The following PPIL2 variants were observed in gnomAD, a reference collection of about 807,000 sequenced individuals.
PPIL2 encodes the protein RING-type E3 ubiquitin-protein ligase PPIL2.
Under a neutral mutation model 75.2 loss-of-function variants are expected in PPIL2, and 50 were observed. That is an observed-to-expected ratio of 0.66 (90% CI 0.53 to 0.84). The LOEUF (loss-of-function observed/expected upper bound fraction) is 0.84. PPIL2 is among the 40% of genes least tolerant of loss of function. The pLI, the probability that PPIL2 is intolerant of heterozygous loss-of-function variation, is 0.00. For missense variants in PPIL2, 590 were observed against 685.0 expected (o/e 0.86, Z 1.55); for synonymous variants, 245 against 258.8 (o/e 0.95, Z 0.51).
At chr22:21,683,330 GCCCCCGCTTTCCT>G (rs2067209630) in intron 9 of PPIL2, 73 bp downstream of exon 9, 1 of 1,358,162 alleles carries the variant, frequency 7.4e-7, no homozygotes, top group East Asian at 2.3e-5. Context: ...CCTGGGTAAA[GCCCCCGCTTTCCT>G]GGAGGTCAGG....
chr22:21,695,987 GTA>G lies in PPIL2; in HGVS notation c.*501_*502del, dbSNP rs1302302146. The G allele has an allele frequency of 3.9e-6, 2 of 514,856 alleles. No homozygotes were observed. Among genetic ancestry groups the G allele is most frequent in the African/African-American group, 2.1e-5 (1 of 48,108 alleles). 31.9% of individuals were successfully genotyped at this position (514,856 alleles called of 1,614,324 possible). On this transcript the variant is annotated 3_prime_UTR_variant, in exon 20 of 20. Transcript: ENST00000398831. ...CAGCCGTGCACCACTACATCCAGCT[GTA>G]TATGTCTGGTTTTCTTACCCCTACT... is the stretch of plus-strand genomic sequence containing the variant.
intron 6 of PPIL2, among the ~76,000 whole-genome samples, chr22:21,680,891 G>C (rs1182493881): frequency 1.3e-5 from 2 of 151,792 alleles, no homozygotes; most frequent in Non-Finnish European, 2.9e-5. Flanking sequence ...GCAGGCAAGG[G>C]GATGGGCGGT....
At position 21,696,641 on chromosome 22, in the gene PPIL2, G is replaced by A; in HGVS notation, c.*1151G>A. ...CTGACACTTGCCTCTTGGGCTCCCT[G>A]TTGCCCTCAGGCCACCCCCCACTTC... On this transcript the variant is annotated 3_prime_UTR_variant, in exon 20 of 20. Coordinates refer to ENST00000398831, the MANE Select transcript of PPIL2 (RefSeq NM_014337.4). 1 of 1,513,900 alleles carries A rather than the reference G, an allele frequency of 6.6e-7. No homozygotes were observed. Among genetic ancestry groups the A allele is most frequent in the South Asian group, 1.3e-5 (1 of 79,386 alleles). 93.8% of individuals were successfully genotyped at this position (1,513,900 alleles called of 1,614,324 possible).
intron 6 of PPIL2, 41 bp from the exon 7 acceptor site, chr22:21,681,258 C>G: frequency 6.6e-7 from 1 of 1,523,394 alleles, no homozygotes; most frequent in South Asian, 1.1e-5. Context: ...GTTCACAGCC[C>G]ACAGAGGTGA....
intron 6 of PPIL2, among the ~76,000 whole-genome samples, chr22:21,676,309 T>TGTGTGTGTGTGTGTG (rs1555894902): frequency 7.3e-5 from 9 of 123,018 alleles, no homozygotes; most frequent in Non-Finnish European, 1.3e-4. Flanking sequence ...TTTATTTATT[T>TGTGTGTGTGTGTGTG]TGTGTGTGTG....
intron 6 of PPIL2, among the ~76,000 whole-genome samples, chr22:21,680,595 C>T (rs187138772): frequency 4.0e-4 from 61 of 151,194 alleles, no homozygotes; most frequent in African/African-American, 1.5e-3. Flanking sequence ...TTTGGGAGGC[C>T]GAGGTGGGCA....
rs149000654 is a variant in PPIL2 at position 21,671,036 on chromosome 22, C to T, written c.168C>T (p.Pro56=). The T allele has an allele frequency of 1.6e-4, 253 of 1,612,812 alleles. 3 individuals carry two copies. Among genetic ancestry groups the T allele is most frequent in the South Asian group, 6.9e-4 (63 of 91,044 alleles). Residue 56 remains proline (P), a synonymous_variant, in exon 4 of 20, where the codon CCC becomes CCT. Transcript: ENST00000398831. ...LQPFVYPVCT[P]DGIVFDLLNI... ...CCTTTGTCTACCCAGTCTGCACTCC[C>T]GATGGCATCGTCTTTGACTTACTGT... is the stretch of plus-strand genomic sequence containing the variant.
chr22:21,670,040 A>G, intron 2 of PPIL2, 78 bp downstream of exon 2: 2 of 1,407,782 alleles, frequency 1.4e-6, no homozygotes, highest in East Asian at 2.3e-5. Flanking sequence ...AGTGAGCTGT[A>G]AAAATAGACA....
At chr22:21,694,540 TG>T (rs1259098763) in intron 16 of PPIL2, 52 bp from the exon 17 acceptor site, 5 of 1,600,096 alleles carry the variant, frequency 3.1e-6, no homozygotes, top group Non-Finnish European at 3.4e-6. Flanking sequence ...GGCTCAGCCG[TG>T]GGGGTGCCCT....
chr22:21,677,515 C>G (rs551476691), intron 6 of PPIL2, among the ~76,000 whole-genome samples: 74 of 152,306 alleles, frequency 4.9e-4, no homozygotes, highest in African/African-American at 1.6e-3. Context: ...GCCAACACAG[C>G]GAAACCCCGT....
At chr22:21,666,637 C>A (rs543138592) in intron 1 of PPIL2, among the ~76,000 whole-genome samples, 84 of 152,114 alleles carry the variant, frequency 5.5e-4, no homozygotes, top group African/African-American at 1.8e-3. Flanking sequence ...GGTGAAACCC[C>A]GTCTCTACTA....
intron 14 of PPIL2, among the ~76,000 whole-genome samples, 178 bp from the exon 15 acceptor site, chr22:21,688,554 C>T (rs1360784485): frequency 7.2e-5 from 11 of 152,220 alleles, no homozygotes; most frequent in East Asian, 1.9e-4. Flanking sequence ...TGTTTGGAGG[C>T]GTGGGGGCTC....
In PPIL2 at chr22:21,697,002, C is replaced by T. The variant is rs1489056387; in HGVS notation, c.*1512C>T. ...GCCATGGCTGGCTCCTTCTCTTCTC[C>T]AGCCCATCCCTCTGCAGCCTGTCAT... is the stretch of plus-strand genomic sequence containing the variant. On this transcript the variant is annotated 3_prime_UTR_variant, in exon 20 of 20. Transcript: ENST00000398831. 7 of 1,546,484 alleles carry T rather than the reference C, an allele frequency of 4.5e-6. No individual in the cohort carries two copies. The highest frequency in any genetic ancestry group is 3.6e-5 in the South Asian group (3 of 83,930).
chr22:21,698,286 C>T (rs1431967741), downstream of PPIL2: 1 of 144,892 alleles, frequency 6.9e-6, no homozygotes, highest in Non-Finnish European at 1.5e-5. Context: ...ATACAAAAGT[C>T]ATAAGACTAC....
intron 6 of PPIL2, 126 bp downstream of exon 6, chr22:21,675,241 CAA>C (rs984727321): frequency 7.7e-6 from 7 of 908,830 alleles, no homozygotes; most frequent in African/African-American, 1.7e-5. Flanking sequence ...TTTAATTCCG[CAA>C]AAAGTGTCAC....
intron 6 of PPIL2, among the ~76,000 whole-genome samples, chr22:21,679,968 AG>A (rs1373197304): frequency 1.3e-5 from 2 of 151,912 alleles, no homozygotes; most frequent in Admixed American, 1.3e-4. Flanking sequence ...GGGCGCCTGT[AG>A]GTCCCAGCTA....
rs1022181272 is a variant in PPIL2, at chr22:21,695,274, G to A, written c.1467-120G>A. 69 of 1,334,568 alleles carry A rather than the reference G, an allele frequency of 5.2e-5. 1 individual carries two copies. Among genetic ancestry groups the A allele is most frequent in the Non-Finnish European group, 6.4e-5 (63 of 980,562 alleles). 82.7% of individuals were successfully genotyped at this position (1,334,568 alleles called of 1,614,324 possible). On this transcript the variant is annotated intron_variant, in intron 19 of 19. Coordinates refer to ENST00000398831, the MANE Select transcript of PPIL2 (RefSeq NM_014337.4). ...GGGTGGAAGAGATCAAATTCAGGGG[G>A]ATGTGGGAGCAGCAGGTGGGAGGGG...
intron 10 of PPIL2, 88 bp from the exon 11 acceptor site, chr22:21,686,395 C>T (rs933327564): frequency 2.8e-5 from 35 of 1,254,476 alleles, no homozygotes; most frequent in African/African-American, 2.4e-4. Flanking sequence ...GCAGGGGTGG[C>T]GTGTGGTTGG....
At chr22:21,666,668 G>T (rs1027268669) in intron 1 of PPIL2, among the ~76,000 whole-genome samples, 1 of 152,092 alleles carries the variant, frequency 6.6e-6, no homozygotes, top group Admixed American at 6.6e-5. Flanking sequence ...AATTAGCGGG[G>T]CGTGGTGACG....
Sources: gnomAD v4.1 joint callset for allele counts (sites outside exome capture counted in the v4.1 genomes callset) on GRCh38, gnomAD v4.1.1 for gene constraint, MANE v1.5 for transcripts, NCBI Gene and HGNC (gene_info 2026-07-23, HGNC 2026-07-21) for gene names.